The following DOK7 variants were observed in gnomAD, a reference collection of about 807,000 sequenced individuals.
The protein encoded by DOK7 is protein Dok-7.
Under a neutral mutation model 30.7 loss-of-function variants are expected in DOK7, and 32 were observed. The observed-to-expected ratio is 1.04, with a 90% confidence interval of 0.79 to 1.40. DOK7 has a LOEUF of 1.40. DOK7 is among the 40% of genes most tolerant of loss of function. DOK7 has a pLI of 0.00. For missense variants in DOK7, 1,007 were observed against 699.2 expected, an observed-to-expected ratio of 1.44 and a Z score of -4.97; for synonymous variants, 447 against 324.1, an observed-to-expected ratio of 1.38 and a Z score of -4.07.
intron 4 of DOK7, among the ~76,000 whole-genome samples, chr4:3,481,001 G>C (rs1188700251): frequency 1.3e-5 from 2 of 152,172 alleles, no homozygotes; most frequent in African/African-American, 4.8e-5. Flanking sequence ...TCAGCTGTCA[G>C]AGGGTAAGGG....
chr4:3,487,706 T>A (rs527627409), intron 5 of DOK7, among the ~76,000 whole-genome samples: 1 of 152,146 alleles, frequency 6.6e-6, no homozygotes, highest in Non-Finnish European at 1.5e-5. Context: ...TGGGAGTCGA[T>A]CCGTGTCTTG....
Position 3,482,064 on chromosome 4 carries a change from C to G in DOK7, c.533-3475C>G, listed in dbSNP as rs1208829979. Among the ~76,000 whole-genome samples, 4 of 152,106 alleles carry G rather than the reference C, an allele frequency of 2.6e-5. No homozygotes were observed. The East Asian group carries it at 5.8e-4, about 22-fold the overall frequency. On this transcript the variant is annotated intron_variant, in intron 4 of 6. Transcript: ENST00000340083. ...CGTCTTCCATGCTCTTTCCTCTTAC[C>G]CTCACGCCTCCTATCCCCCACAACA...
At position 3,493,653 on chromosome 4, in the gene DOK7, G is replaced by C. The variant is rs1387509708; in HGVS notation, c.*152G>C. The C allele has an allele frequency of 4.8e-6, 7 of 1,459,010 alleles. No homozygotes were observed. The highest frequency in any genetic ancestry group is 2.7e-6 in the Non-Finnish European group (3 of 1,104,550). The allele number at this position is 1,459,010 out of a possible 1,614,324, so 90.4% of individuals were successfully genotyped here. On this transcript the variant is annotated 3_prime_UTR_variant, in exon 7 of 7. Transcript: ENST00000340083. ...AGAGGGGAGCTGGAGGGCGCGCCCT[G>C]TGGCTGCCACCGGAGGAAGGGGCTG...
In DOK7 at chr4:3,493,802, C is replaced by T. The variant is rs1157906950; in HGVS notation, c.*301C>T. 3.8e-6 allele frequency: 5 copies of T among 1,317,342 alleles called. No homozygotes were observed. The African/African-American group carries it at 6.0e-5, about 16-fold the overall frequency. 81.6% of individuals were successfully genotyped at this position (1,317,342 alleles called of 1,614,324 possible). A position where few individuals can be genotyped will look rare whatever the true frequency, so the allele number is the denominator to read the frequency against. ...CCCTGAGGATCAGGTGAGTGCTGCA[C>T]CTCTGTTGGCTCGTGCCTTGCACTG... On this transcript the variant is annotated 3_prime_UTR_variant, in exon 7 of 7. Transcript: ENST00000340083.
chr4:3,471,557 C>T (rs553912487), intron 2 of DOK7, among the ~76,000 whole-genome samples: 27 of 152,368 alleles, frequency 1.8e-4, no homozygotes, highest in African/African-American at 4.3e-4. Context: ...GGCTGTCCTC[C>T]GGCTCAAGCG....
rs779871062 is a variant in DOK7 at position 3,493,048 on chromosome 4, C to T, written c.1062C>T (p.Ser354=). 3.2e-6 allele frequency: 5 copies of T among 1,573,864 alleles called. No homozygotes were observed. The highest frequency in any genetic ancestry group is 2.6e-6 in the Non-Finnish European group (3 of 1,164,576). ...CCTCTTACTCCAGCAGCCTCTCGTCCTACGCGGGCAGCAGCCTGGACGTGT... is the reference window on the plus strand; with the variant it reads ...CCTCTTACTCCAGCAGCCTCTCGTCTTACGCGGGCAGCAGCCTGGACGTGT... ...SHSSYSSSLS[S]YAGSSLDVWR... Residue 354 remains serine, a synonymous_variant, in exon 7 of 7, where the codon TCC becomes TCT. Coordinates refer to ENST00000340083, the MANE Select transcript of DOK7 (RefSeq NM_173660.5).
Position 3,494,029 on chromosome 4 carries a change from A to C in DOK7, c.*528A>C. On this transcript the variant is annotated 3_prime_UTR_variant, in exon 7 of 7. Coordinates refer to ENST00000340083, the MANE Select transcript of DOK7 (RefSeq NM_173660.5). ...TCCGTGTGCGCTGGGCCTCATCCCC[A>C]TCTATGGGAGGAAACTGAAGCTCAG... is the stretch of plus-strand genomic sequence containing the variant. 3.0e-6 allele frequency: 3 copies of C among 988,486 alleles called. No homozygotes were observed. The highest frequency in any genetic ancestry group is 3.6e-6 in the Non-Finnish European group (3 of 832,212). 61.2% of individuals were successfully genotyped at this position (988,486 alleles called of 1,614,324 possible).
intron 2 of DOK7, among the ~76,000 whole-genome samples, chr4:3,464,841 C>T (rs559500706): frequency 2.0e-5 from 3 of 152,326 alleles, no homozygotes; most frequent in Admixed American, 6.5e-5. Flanking sequence ...TGTGCTCCCC[C>T]GGCCGGTGAG....
rs569484015 is a variant in DOK7, at chr4:3,500,224, G to A, written c.1109-27G>A. ...ATCTGTGCCCCTCTCGGTCCCCACC[G>A]GGGCTTCACAGCCGCTCCCCCCACA... is the stretch of plus-strand genomic sequence containing the variant. On this transcript the variant is annotated intron_variant, in intron 6 of 7. Coordinates refer to the DOK7 transcript ENST00000643608. The A allele has an allele frequency of 6.8e-5, 104 of 1,533,214 alleles. No individual in the cohort carries two copies. In the South Asian group the frequency reaches 9.8e-4, roughly 14 times the overall value. 95.0% of individuals were successfully genotyped at this position (1,533,214 alleles called of 1,614,324 possible).
At chr4:3,476,182 TC>T (rs1560212130) in intron 3 of DOK7, among the ~76,000 whole-genome samples, 159 bp from the exon 4 acceptor site, 22 of 18,022 alleles carry the variant, frequency 1.2e-3, no homozygotes, top group Middle Eastern at 0.042. Flanking sequence ...CCGCCCACCC[TC>T]GATGCCCTCT....
intron 2 of DOK7, among the ~76,000 whole-genome samples, chr4:3,466,574 G>A (rs1325412527): frequency 6.6e-6 from 1 of 152,188 alleles, no homozygotes; most frequent in Non-Finnish European, 1.5e-5. Context: ...CGTGGGTGGT[G>A]GCCAGTTATC....
In DOK7 at chr4:3,494,318, G is replaced by C; in HGVS notation, c.*817G>C. The C allele has an allele frequency of 1.0e-6, 1 of 985,792 alleles. No homozygotes were observed. The highest frequency in any genetic ancestry group is 4.7e-5 in the South Asian group (1 of 21,288). The allele number at this position is 985,792 out of a possible 1,614,324, so 61.1% of individuals were successfully genotyped here. A position where few individuals can be genotyped will look rare whatever the true frequency, so the allele number is the denominator to read the frequency against. On this transcript the variant is annotated 3_prime_UTR_variant, in exon 7 of 7. Transcript: ENST00000340083. ...TGCGTCGGAGGTGGGGCTGTGTTGGGCCCATTGTCCCCCGCCCTGGGTGGC... is the reference window on the plus strand; with the variant it reads ...TGCGTCGGAGGTGGGGCTGTGTTGGCCCCATTGTCCCCCGCCCTGGGTGGC...
At position 3,485,502 on chromosome 4, in the gene DOK7, C is replaced by T. The variant is rs769172436; in HGVS notation, c.533-37C>T. On this transcript the variant is annotated intron_variant, in intron 4 of 6. Transcript: ENST00000340083. ...CTCTTCAGGGTCCCCAGCCCGCCCTCGGGCCAGACTGACCTGTCTCTGTCC... is the reference window on the plus strand; with the variant it reads ...CTCTTCAGGGTCCCCAGCCCGCCCTTGGGCCAGACTGACCTGTCTCTGTCC... 3.7e-5 allele frequency: 55 copies of T among 1,500,770 alleles called. 2 individuals are homozygous for T. Among genetic ancestry groups the T allele is most frequent in the Admixed American group, 3.4e-4 (16 of 47,650 alleles). 93.0% of individuals were successfully genotyped at this position (1,500,770 alleles called of 1,614,324 possible). A position where few individuals can be genotyped will look rare whatever the true frequency, so the allele number is the denominator to read the frequency against.
intron 5 of DOK7, 32 bp downstream of exon 5, chr4:3,485,690 G>C (rs757492575): frequency 6.6e-7 from 1 of 1,519,544 alleles, no homozygotes. Context: ...GCCGGGGAGG[G>C]TGCGCTCGGC....
At chr4:3,492,708 G>T in intron 6 of DOK7, 51 bp from the exon 7 acceptor site, 1 of 1,594,704 alleles carries the variant, frequency 6.3e-7, no homozygotes. Flanking sequence ...GCCACGTCCT[G>T]CCCAGACCCC....
rs78669152 is a variant in DOK7 at position 3,471,686 on chromosome 4, T to C, written c.101-1720T>C. 2.9e-3 allele frequency among the ~76,000 whole-genome samples: 436 copies of C among 152,350 alleles called. 3 individuals are homozygous for C. Among genetic ancestry groups the C allele is most frequent in the African/African-American group, 1.0e-2 (415 of 41,582 alleles). On this transcript the variant is annotated intron_variant, in intron 2 of 6. Transcript: ENST00000340083. ...ACATTGCTGTTACGGCGAATTCCGATTACGCCGCTGTGTTTGATTTCTCTC... is the reference window on the plus strand; with the variant it reads ...ACATTGCTGTTACGGCGAATTCCGACTACGCCGCTGTGTTTGATTTCTCTC...
intron 4 of DOK7, among the ~76,000 whole-genome samples, chr4:3,483,684 G>T (rs984813445): frequency 2.6e-5 from 4 of 152,182 alleles, no homozygotes; most frequent in South Asian, 2.1e-4. Context: ...TCATTGTCCC[G>T]TGGCCACTGC....
chr4:3,490,423 C>CTCATTCATTCCTTCATTTCTCTCCT (rs1560226918), intron 6 of DOK7, among the ~76,000 whole-genome samples: 1 of 17,912 alleles, frequency 5.6e-5, no homozygotes, highest in African/African-American at 2.2e-4. Flanking sequence ...CCCACCGCCC[C>CTCATTCATTCCTTCATTTCTCTCCT]GCTCATTCAT....
At chr4:3,490,494 CTT>C (rs1473886862) in intron 6 of DOK7, among the ~76,000 whole-genome samples, 78 of 133,190 alleles carry the variant, frequency 5.9e-4, no homozygotes, top group Non-Finnish European at 9.8e-4. Context: ...TCATTCCTTC[CTT>C]TTCCCCCTGC....
Sources: allele counts gnomAD v4.1 joint callset (sites outside exome capture counted in the v4.1 genomes callset), GRCh38; gene constraint gnomAD v4.1.1; transcripts MANE v1.5; gene names NCBI Gene and HGNC (gene_info 2026-07-23, HGNC 2026-07-21).